FGF12: variants seen among roughly 807,000 people sequenced by gnomAD.
The protein encoded by FGF12 is fibroblast growth factor 12, also known as fibroblast growth factor 12B.
Under a neutral mutation model 23.6 loss-of-function variants are expected in FGF12, and 14 were observed. The observed-to-expected ratio is 0.59, with a 90% CI of 0.39 to 0.93. FGF12 has a LOEUF of 0.93. FGF12 is among the 40% of genes least tolerant of loss of function. FGF12 has a pLI of 0.00. For synonymous variants in FGF12, 62 were observed against 77.3 expected (o/e 0.80, Z 1.04); for missense variants, 175 against 217.8 (o/e 0.80, Z 1.24).
chr3:192,500,307 T>C (rs940687206), intron 2 of FGF12, among the ~76,000 whole-genome samples: 1 of 152,208 alleles, frequency 6.6e-6, no homozygotes, highest in Non-Finnish European at 1.5e-5. Flanking sequence ...CCAAGAACCA[T>C]GCCCTTTCCA....
At chr3:192,449,271 T>C (rs570773071) in intron 2 of FGF12, among the ~76,000 whole-genome samples, 28 of 152,276 alleles carry the variant, frequency 1.8e-4, no homozygotes, top group African/African-American at 5.8e-4. Flanking sequence ...TGCTTCCAGT[T>C]TACTTCTATA....
intron 2 of FGF12, among the ~76,000 whole-genome samples, chr3:192,542,200 G>T (rs548356409): frequency 7.9e-5 from 12 of 151,314 alleles, no homozygotes; most frequent in Non-Finnish European, 1.6e-4. Flanking sequence ...CTTTTTTTCT[G>T]TCTCCCCTGG....
At chr3:192,329,249 A>G (rs1360936618) in intron 4 of FGF12, among the ~76,000 whole-genome samples, 1 of 152,202 alleles carries the variant, frequency 6.6e-6, no homozygotes, top group African/African-American at 2.4e-5. Context: ...AGGATGGACA[A>G]TGGAGACAGG....
chr3:192,658,025 C>T (rs1347942401), intron 2 of FGF12, among the ~76,000 whole-genome samples: 1 of 151,704 alleles, frequency 6.6e-6, no homozygotes, highest in Non-Finnish European at 1.5e-5. Context: ...ACAGAAAGGA[C>T]CTTTATCAGC....
chr3:192,708,016 G>T (rs1718534090), intron 2 of FGF12, among the ~76,000 whole-genome samples: 1 of 152,112 alleles, frequency 6.6e-6, no homozygotes, highest in Admixed American at 6.5e-5. Context: ...CTGGAGTGCT[G>T]TGGCGCGATC....
intron 4 of FGF12, among the ~76,000 whole-genome samples, chr3:192,275,612 A>T (rs1262984849): frequency 6.6e-6 from 1 of 152,226 alleles, no homozygotes; most frequent in African/African-American, 2.4e-5. Flanking sequence ...TGGGAACTAA[A>T]AAGATTGGTA....
intron 2 of FGF12, among the ~76,000 whole-genome samples, chr3:192,720,933 T>C (rs1479524451): frequency 6.6e-6 from 1 of 152,214 alleles, no homozygotes; most frequent in Non-Finnish European, 1.5e-5. Flanking sequence ...GGCCAGAATT[T>C]ACACAGTTTA....
intron 2 of FGF12, among the ~76,000 whole-genome samples, chr3:192,627,402 T>A (rs76107036): frequency 0.13 from 19,029 of 152,072 alleles, 1,505 homozygotes; most frequent in Non-Finnish European, 0.18. Context: ...ATACTATAAT[T>A]AAACACTTAT....
At chr3:192,565,628 T>C (rs1220314045) in intron 2 of FGF12, among the ~76,000 whole-genome samples, 5 of 152,224 alleles carry the variant, frequency 3.3e-5, no homozygotes, top group Admixed American at 6.5e-5. Context: ...CTTAGTTGAA[T>C]AGCAGGCAAC....
intron 2 of FGF12, among the ~76,000 whole-genome samples, chr3:192,371,118 A>G (rs1294736242): frequency 1.3e-5 from 2 of 152,232 alleles, no homozygotes; most frequent in African/African-American, 2.4e-5. Context: ...CTTTCCAGGC[A>G]GCTCAAAAAT....
chr3:192,175,872 C>A (rs1715830504), intron 4 of FGF12, among the ~76,000 whole-genome samples: 1 of 152,136 alleles, frequency 6.6e-6, no homozygotes, highest in African/African-American at 2.4e-5. Context: ...ACCTTGATTC[C>A]TCTCCAACAC....
At chr3:192,413,480 G>A (rs1721259034) in intron 2 of FGF12, among the ~76,000 whole-genome samples, 1 of 152,142 alleles carries the variant, frequency 6.6e-6, no homozygotes, top group African/African-American at 2.4e-5. Context: ...ACTCAAAGAA[G>A]ATGTGATAAT....
chr3:192,247,242 C>T (rs1711677414), intron 4 of FGF12, among the ~76,000 whole-genome samples: 1 of 152,082 alleles, frequency 6.6e-6, no homozygotes. Flanking sequence ...GCAGCCTAAT[C>T]CCAAATAGTC....
chr3:192,586,415 T>C (rs1713376359), intron 2 of FGF12, among the ~76,000 whole-genome samples: 1 of 152,174 alleles, frequency 6.6e-6, no homozygotes, highest in Non-Finnish European at 1.5e-5. Context: ...ATAATATCCA[T>C]CTCATTGGTT....
chr3:192,208,771 T>C (rs1452473721), intron 4 of FGF12, among the ~76,000 whole-genome samples: 1 of 152,182 alleles, frequency 6.6e-6, no homozygotes, highest in Non-Finnish European at 1.5e-5. Flanking sequence ...TCCTTTGTAG[T>C]GAATTTACTT....
At chr3:192,330,697 AT>A (rs1399014375) in intron 4 of FGF12, among the ~76,000 whole-genome samples, 7 of 151,866 alleles carry the variant, frequency 4.6e-5, no homozygotes, top group Non-Finnish European at 7.4e-5. Flanking sequence ...GCAAGACTCC[AT>A]CTCAAGAAAC....
At position 192,682,751 on chromosome 3, in the gene FGF12, G is replaced by C. The variant is rs543881127; in HGVS notation, c.13+44430C>G. On this transcript the variant is annotated intron_variant, in intron 2 of 5. Transcript: ENST00000445105. Reference sequence around the variant, plus strand: ...AGGAGGTGTCTCTGGATGCGGGCTAGTCCTGCCAGAAAGACCAAACATGTA... The same window carrying C: ...AGGAGGTGTCTCTGGATGCGGGCTACTCCTGCCAGAAAGACCAAACATGTA... 5.3e-5 allele frequency among the ~76,000 whole-genome samples: 8 copies of C among 152,304 alleles called. No individual in the cohort carries two copies. The East Asian group carries it at 1.5e-3, about 29-fold the overall frequency.
At chr3:192,510,617 A>G (rs1405796856) in intron 2 of FGF12, among the ~76,000 whole-genome samples, 1 of 152,212 alleles carries the variant, frequency 6.6e-6, no homozygotes, top group African/African-American at 2.4e-5. Flanking sequence ...GTGCTCCTTG[A>G]TATTTACCCA....
chr3:192,513,764 C>T (rs1724565136), intron 2 of FGF12, among the ~76,000 whole-genome samples: 1 of 152,132 alleles, frequency 6.6e-6, no homozygotes, highest in Admixed American at 6.6e-5. Flanking sequence ...ATTAGGGTGT[C>T]ATTGTTCTCT....
Sources: gnomAD v4.1 joint callset for allele counts (sites outside exome capture counted in the v4.1 genomes callset) on GRCh38, gnomAD v4.1.1 for gene constraint, MANE v1.5 for transcripts, NCBI Gene and HGNC (gene_info 2026-07-23, HGNC 2026-07-21) for gene names.